PRKN: variants seen among roughly 807,000 people sequenced by gnomAD.
PRKN encodes parkin RBR E3 ubiquitin protein ligase.
PRKN carries 56 observed loss-of-function variants against 59.5 expected under a neutral mutation model. That is an observed-to-expected ratio of 0.94 (90% CI 0.76 to 1.18). PRKN has a LOEUF of 1.18. Among genes scored for constraint, PRKN ranks in the 50% most tolerant of loss-of-function variants. The pLI is 0.00. For synonymous variants in PRKN, 250 were observed against 222.1 expected (o/e 1.13, Z -1.12); for missense variants, 657 against 596.4 (o/e 1.10, Z -1.06).
rs1443326775 is a variant in PRKN at position 161,349,852 on chromosome 6, T to C, written c.*247A>G. The C allele has an allele frequency of 1.7e-6, 1 of 572,582 alleles. No individual in the cohort carries two copies. Among genetic ancestry groups the C allele is most frequent in the East Asian group, 2.9e-5 (1 of 34,236 alleles). 35.5% of individuals were successfully genotyped at this position (572,582 alleles called of 1,614,324 possible). ...TCGCAGATGGCTCTGCTGTCTTGTG[T>C]GGACAAACTGAAAGGGATTCAGGAG... On this transcript the variant is annotated 3_prime_UTR_variant, in exon 12 of 12. Coordinates refer to ENST00000366898, the MANE Select transcript of PRKN (RefSeq NM_004562.3). This position sits in a 1 kb window ranked among gnomAD's most constrained non-coding sequence, Gnocchi z 5.5.
At chr6:161,731,651 A>C (rs1583068497) in intron 7 of PRKN, among the ~76,000 whole-genome samples, 1 of 152,194 alleles carries the variant, frequency 6.6e-6, no homozygotes, top group East Asian at 1.9e-4. Flanking sequence ...AAGAAATGTG[A>C]ATGGCAAATT....
intron 1 of PRKN, among the ~76,000 whole-genome samples, chr6:162,466,915 G>A (rs770312207): frequency 1.3e-5 from 2 of 151,906 alleles, no homozygotes; most frequent in African/African-American, 4.8e-5. Context: ...TGGTTACCTC[G>A]TTTCAATAAA....
chr6:161,479,311 A>G (rs1394410436), intron 9 of PRKN, among the ~76,000 whole-genome samples: 1 of 152,240 alleles, frequency 6.6e-6, no homozygotes. Context: ...CTAATAGTTT[A>G]AAAAGTTTCA....
chr6:161,411,386 C>T (rs1051317941), intron 9 of PRKN, among the ~76,000 whole-genome samples: 3 of 152,178 alleles, frequency 2.0e-5, no homozygotes, highest in Admixed American at 1.3e-4. Flanking sequence ...GCCTTTGCTC[C>T]CTCATTGGCC....
At chr6:161,455,318 T>C (rs1789917687) in intron 9 of PRKN, among the ~76,000 whole-genome samples, 1 of 152,124 alleles carries the variant, frequency 6.6e-6, no homozygotes, top group Non-Finnish European at 1.5e-5. Context: ...ATTACAGATG[T>C]GAGCCACCAC....
intron 7 of PRKN, among the ~76,000 whole-genome samples, chr6:161,659,421 T>C (rs996135224): frequency 1.1e-4 from 16 of 152,182 alleles, no homozygotes; most frequent in Admixed American, 2.0e-4. Flanking sequence ...GGCCTGGTGA[T>C]GGTACAGTGG....
intron 1 of PRKN, among the ~76,000 whole-genome samples, chr6:162,541,406 G>A (rs963303514): frequency 1.3e-5 from 2 of 152,182 alleles, no homozygotes; most frequent in African/African-American, 4.8e-5. Flanking sequence ...AGGGCCAGGG[G>A]CCAGCAAAGA....
chr6:161,352,729 G>GTGTGTA lies in PRKN; in HGVS notation c.1286-2519_1286-2518insTACACA, dbSNP rs201467034. ...ATAAACACAAATATGTATGAAGAGT[G>GTGTGTA]TGTGTGTGTGTGTGTGTGTGTGTGT... On this transcript the variant is annotated intron_variant, in intron 11 of 11. Transcript: ENST00000366898. This position sits in a 1 kb window ranked among gnomAD's most constrained non-coding sequence, Gnocchi z 5.8. Among the ~76,000 whole-genome samples the GTGTGTA allele has an allele frequency of 0.048, 6,195 of 128,786 alleles. 212 individuals are homozygous for GTGTGTA. Among genetic ancestry groups the GTGTGTA allele is most frequent in the South Asian group, 0.19 (795 of 4,106 alleles). 84.5% of individuals were successfully genotyped at this position (128,786 alleles called of 152,430 possible).
chr6:162,519,222 C>T (rs1464583419), intron 1 of PRKN, among the ~76,000 whole-genome samples: 1 of 152,112 alleles, frequency 6.6e-6, no homozygotes, highest in African/African-American at 2.4e-5. Flanking sequence ...TCAGTATTTA[C>T]GAAGTGACTC....
At chr6:161,559,066 A>C (rs1033268196) in intron 8 of PRKN, among the ~76,000 whole-genome samples, 2 of 133,158 alleles carry the variant, frequency 1.5e-5, no homozygotes, top group Non-Finnish European at 3.4e-5. Context: ...AAAAAAAAAA[A>C]CCAGTAAACA....
chr6:162,723,258 G>A (rs573729425), intron 1 of PRKN, among the ~76,000 whole-genome samples: 2 of 152,156 alleles, frequency 1.3e-5, no homozygotes, highest in East Asian at 1.9e-4. Context: ...CAAAACTAAC[G>A]CACTATAAGA....
At chr6:161,881,797 G>A (rs1794944200) in intron 6 of PRKN, among the ~76,000 whole-genome samples, 1 of 152,134 alleles carries the variant, frequency 6.6e-6, no homozygotes, top group Admixed American at 6.5e-5. Flanking sequence ...AACTGAAAAC[G>A]GACAACACAG....
intron 2 of PRKN, among the ~76,000 whole-genome samples, chr6:162,284,941 T>G (rs1000308539): frequency 4.6e-5 from 7 of 152,126 alleles, no homozygotes; most frequent in African/African-American, 1.4e-4. Flanking sequence ...GTAACCAAGT[T>G]AAAATGTCAG....
intron 9 of PRKN, among the ~76,000 whole-genome samples, chr6:161,541,440 A>T (rs889404577): frequency 2.6e-5 from 4 of 152,246 alleles, no homozygotes; most frequent in African/African-American, 9.6e-5. Flanking sequence ...GCAGCTTATA[A>T]AGCTAAAGAA....
At chr6:161,358,228 T>C (rs1181845361) in intron 11 of PRKN, among the ~76,000 whole-genome samples, 3 of 152,140 alleles carry the variant, frequency 2.0e-5, no homozygotes, top group Admixed American at 1.3e-4. Context: ...AGTCTTTATA[T>C]AGGTATTGCC....
chr6:162,229,373 T>A (rs1778320839), intron 3 of PRKN, among the ~76,000 whole-genome samples: 1 of 152,182 alleles, frequency 6.6e-6, no homozygotes, highest in Non-Finnish European at 1.5e-5. Context: ...CACTCCAGAA[T>A]GAGACCACCT....
intron 2 of PRKN, among the ~76,000 whole-genome samples, chr6:162,395,506 T>C (rs879114944): frequency 3.3e-5 from 5 of 152,140 alleles, no homozygotes; most frequent in Admixed American, 3.3e-4. Flanking sequence ...CTCACTGACA[T>C]CTAACTGCCA....
chr6:162,550,680 T>C (rs570366095), intron 1 of PRKN, among the ~76,000 whole-genome samples: 4 of 152,284 alleles, frequency 2.6e-5, no homozygotes, highest in African/African-American at 9.6e-5. Flanking sequence ...TCTAAGCATA[T>C]GTTAGGTTTT....
chr6:162,261,523 T>TA (rs1366357834), intron 3 of PRKN, among the ~76,000 whole-genome samples: 1 of 152,166 alleles, frequency 6.6e-6, no homozygotes, highest in African/African-American at 2.4e-5. Flanking sequence ...GATATTTATA[T>TA]TAATATATTA....
Sources: gnomAD v4.1 joint callset for allele counts (sites outside exome capture counted in the v4.1 genomes callset) on GRCh38, gnomAD v4.1.1 for gene constraint, Gnocchi (gnomAD v3.1) non-coding constraint, MANE v1.5 for transcripts, NCBI Gene and HGNC (gene_info 2026-07-23, HGNC 2026-07-21) for gene names.